Variants in AFG2A observed in about 807,000 individuals in gnomAD.
AFG2A encodes AAA ATPase AFG2A, also known as ATPase family gene 2 protein homolog A.
the AFG2A span, among the ~76,000 whole-genome samples, chr4:123,267,504 T>A: frequency 1.3e-5 from 2 of 152,052 alleles, no homozygotes; most frequent in Non-Finnish European, 2.9e-5. Flanking sequence ...ATATTTTCCC[T>A]TTTCCTTCAA....
At chr4:123,293,269 C>A in the AFG2A span, among the ~76,000 whole-genome samples, 2 of 152,182 alleles carry the variant, frequency 1.3e-5, no homozygotes, top group Non-Finnish European at 1.5e-5. Context: ...CCTTCACGAG[C>A]ACTGGGGCTG....
At chr4:123,160,018 TTTG>T in the AFG2A span, among the ~76,000 whole-genome samples, 45 of 151,778 alleles carry the variant, frequency 3.0e-4, no homozygotes, top group East Asian at 5.8e-4. Flanking sequence ...ATCTTGTCTT[TTTG>T]TTGTTGTTGT....
At chr4:123,113,306 T>C in the AFG2A span, among the ~76,000 whole-genome samples, 1 of 152,204 alleles carries the variant, frequency 6.6e-6, no homozygotes, top group Non-Finnish European at 1.5e-5. Context: ...GACAAATCCA[T>C]GGAGACAGGC....
the AFG2A span, among the ~76,000 whole-genome samples, chr4:122,933,734 T>C: frequency 1.2e-4 from 18 of 152,224 alleles, no homozygotes; most frequent in Admixed American, 1.2e-3. Context: ...AGTGGTAGAA[T>C]TGAGACTTTT....
the AFG2A span, among the ~76,000 whole-genome samples, chr4:123,182,846 G>C: frequency 6.6e-6 from 1 of 152,184 alleles, no homozygotes. Context: ...GCTAGTGGTA[G>C]CTCATCTGTT....
the AFG2A span, among the ~76,000 whole-genome samples, chr4:123,275,294 G>A: frequency 6.6e-6 from 1 of 152,006 alleles, no homozygotes; most frequent in African/African-American, 2.4e-5. Flanking sequence ...TGCAAGCAAT[G>A]TTTGCATAAA....
chr4:123,289,731 T>G, the AFG2A span, among the ~76,000 whole-genome samples: 4 of 152,328 alleles, frequency 2.6e-5, no homozygotes, highest in East Asian at 7.7e-4. Flanking sequence ...CTGACCGGGG[T>G]AAGATGATAT....
At chr4:123,078,013 AATGGCAAAGTAGC>A in the AFG2A span, among the ~76,000 whole-genome samples, 5 of 152,210 alleles carry the variant, frequency 3.3e-5, no homozygotes, top group African/African-American at 1.2e-4. Flanking sequence ...AGATTATATT[AATGGCAAAGTAGC>A]ATGGGAGAGG....
At chr4:123,109,616 C>A in the AFG2A span, among the ~76,000 whole-genome samples, 1 of 152,122 alleles carries the variant, frequency 6.6e-6, no homozygotes, top group African/African-American at 2.4e-5. Context: ...GGTGCTCCAA[C>A]CCATTTTCTC....
At chr4:123,309,924 C>T in the AFG2A span, among the ~76,000 whole-genome samples, 2 of 152,162 alleles carry the variant, frequency 1.3e-5, no homozygotes, top group African/African-American at 4.8e-5. Context: ...GAAATGCTGG[C>T]GTGGACCATG....
chr4:123,315,945 AT>A, the AFG2A span: 22 of 148,550 alleles, frequency 1.5e-4, no homozygotes, highest in South Asian at 2.1e-4. Context: ...TGTCAGGCTA[AT>A]TTTTTTTTTT....
At chr4:123,117,213 T>C in the AFG2A span, among the ~76,000 whole-genome samples, 2 of 151,952 alleles carry the variant, frequency 1.3e-5, no homozygotes, top group African/African-American at 2.4e-5. Flanking sequence ...AACTTCAGTG[T>C]AAGGAGTAGG....
At chr4:123,117,211 T>C in the AFG2A span, among the ~76,000 whole-genome samples, 3 of 151,760 alleles carry the variant, frequency 2.0e-5, no homozygotes, top group African/African-American at 7.3e-5. Context: ...TGAACTTCAG[T>C]GTAAGGAGTA....
the AFG2A span, among the ~76,000 whole-genome samples, chr4:123,286,452 T>A: frequency 6.6e-6 from 1 of 152,180 alleles, no homozygotes; most frequent in Non-Finnish European, 1.5e-5. Flanking sequence ...AGAAGAAAAA[T>A]TAATATACAA....
the AFG2A span, among the ~76,000 whole-genome samples, chr4:123,225,885 A>C: frequency 2.0e-5 from 3 of 151,974 alleles, no homozygotes; most frequent in Admixed American, 6.6e-5. Flanking sequence ...CTTTTATTTC[A>C]TTGAGCAGTG....
At chr4:122,937,585 A>T in the AFG2A span, among the ~76,000 whole-genome samples, 1 of 152,164 alleles carries the variant, frequency 6.6e-6, no homozygotes, top group Non-Finnish European at 1.5e-5. Context: ...ACTGTACTGA[A>T]AATTTGAAAA....
the AFG2A span, among the ~76,000 whole-genome samples, chr4:123,047,032 G>T: frequency 3.2e-4 from 48 of 152,254 alleles, no homozygotes; most frequent in Non-Finnish European, 4.6e-4. Context: ...TACCCTGGCT[G>T]TTGTAAATAG....
At chr4:123,231,178 A>G in the AFG2A span, among the ~76,000 whole-genome samples, 1 of 152,042 alleles carries the variant, frequency 6.6e-6, no homozygotes, top group Non-Finnish European at 1.5e-5. Flanking sequence ...TGAAAGTCCT[A>G]GATGACATCT....
chr4:123,051,727 G>C, the AFG2A span, among the ~76,000 whole-genome samples: 1 of 137,374 alleles, frequency 7.3e-6, no homozygotes, highest in African/African-American at 2.8e-5. Context: ...ACTATTCTTC[G>C]TTAAGTTTTT....
Sources: allele counts gnomAD v4.1 joint callset (sites outside exome capture counted in the v4.1 genomes callset), GRCh38; gene constraint gnomAD v4.1.1; transcripts MANE v1.5; gene names NCBI Gene and HGNC (gene_info 2026-07-23, HGNC 2026-07-21).